Variants in SLCO3A1 observed in about 807,000 individuals in gnomAD.
SLCO3A1 encodes PGE1 transporter.
SLCO3A1 carries 27 observed loss-of-function variants against 63.1 expected under a neutral mutation model. That is an observed-to-expected ratio of 0.43 (90% CI 0.32 to 0.59). The LOEUF is 0.59. Among genes scored for constraint, SLCO3A1 ranks in the 20% least tolerant of loss-of-function variants. The pLI, the probability that SLCO3A1 is intolerant of heterozygous loss-of-function variation, is 0.09. For missense variants in SLCO3A1, 773 were observed against 945.8 expected (o/e 0.82, Z 2.40); for synonymous variants, 473 against 409.9 (o/e 1.15, Z -1.86).
intron 2 of SLCO3A1, among the ~76,000 whole-genome samples, chr15:92,015,913 T>C (rs1239929555): frequency 6.6e-6 from 1 of 151,860 alleles, no homozygotes; most frequent in Non-Finnish European, 1.5e-5. Flanking sequence ...ATAAGAAAAA[T>C]ACGAAATGGA....
Position 92,120,500 on chromosome 15 carries a change from C to G in SLCO3A1, c.1045C>G (p.Pro349Ala), listed in dbSNP as rs2047850523. Reference protein sequence around the residue: ...PKVTKHLLSNPVFTCIILAAC... With the variant: ...PKVTKHLLSNAVFTCIILAAC... ...GGTCACCAAGCACCTGCTCTCAAAC[C>G]CTGTGTTCACCTGCATCATCCTGGC... is the stretch of plus-strand genomic sequence containing the variant. Residue 349 changes from proline (P) to alanine (A), a missense_variant, in exon 5 of 10, where the codon CCT (proline) becomes GCT (alanine). Coordinates refer to ENST00000318445, the MANE Select transcript of SLCO3A1 (RefSeq NM_013272.4). The G allele has an allele frequency of 3.1e-6, 5 of 1,614,036 alleles. No individual in the cohort carries two copies. The East Asian group carries it at 1.1e-4, about 36-fold the overall frequency.
At chr15:92,076,752 C>T (rs1243671222) in intron 2 of SLCO3A1, among the ~76,000 whole-genome samples, 1 of 152,340 alleles carries the variant, frequency 6.6e-6, no homozygotes, top group African/African-American at 2.4e-5. Context: ...GCACTCAGAG[C>T]CCCATCTGCC....
intron 3 of SLCO3A1, among the ~76,000 whole-genome samples, chr15:92,097,701 C>T (rs1417771022): frequency 6.6e-6 from 1 of 152,180 alleles, no homozygotes; most frequent in Non-Finnish European, 1.5e-5. Flanking sequence ...CATTGTCAGT[C>T]ACGGTCTTTG....
intron 2 of SLCO3A1, among the ~76,000 whole-genome samples, chr15:91,925,468 G>A (rs1425997046): frequency 7.4e-5 from 11 of 149,286 alleles, no homozygotes; most frequent in Non-Finnish European, 1.6e-4. Flanking sequence ...TGTCTGTCCA[G>A]TACCTTGTTT....
chr15:92,059,260 C>T (rs796957438), intron 2 of SLCO3A1, among the ~76,000 whole-genome samples: 2 of 152,354 alleles, frequency 1.3e-5, no homozygotes, highest in African/African-American at 4.8e-5. Flanking sequence ...TCTGCAAGGA[C>T]ACTGTTACCT....
intron 2 of SLCO3A1, among the ~76,000 whole-genome samples, chr15:91,951,992 C>A (rs1164686201): frequency 2.0e-5 from 3 of 152,142 alleles, no homozygotes; most frequent in African/African-American, 7.2e-5. Flanking sequence ...AGCGACTGCA[C>A]CATTTTATAT....
intron 2 of SLCO3A1, among the ~76,000 whole-genome samples, chr15:91,982,993 G>A (rs2046006771): frequency 6.6e-6 from 1 of 152,224 alleles, no homozygotes; most frequent in Admixed American, 6.5e-5. Flanking sequence ...GCCCCTGCTT[G>A]GGCTATGGGA....
At chr15:92,166,000 A>G (rs1397809178), downstream of SLCO3A1, 1 of 592,036 alleles carries the variant, frequency 1.7e-6, no homozygotes, top group South Asian at 7.5e-5. Context: ...AAATTGACAG[A>G]TCTTTGTAAC....
chr15:91,957,608 A>G (rs1900287182), intron 2 of SLCO3A1, among the ~76,000 whole-genome samples: 2 of 152,024 alleles, frequency 1.3e-5, no homozygotes, highest in African/African-American at 4.8e-5. Context: ...TTCCCCAGAT[A>G]TCCTCCTGGC....
chr15:91,932,739 G>A (rs995484009), intron 2 of SLCO3A1, among the ~76,000 whole-genome samples: 2 of 152,174 alleles, frequency 1.3e-5, no homozygotes, highest in South Asian at 4.1e-4. Flanking sequence ...CACCGTGCCC[G>A]GCCTATTTGC....
In SLCO3A1 at chr15:91,918,255, CCTT is replaced by C. The variant is rs368813403; in HGVS notation, c.646+1801_646+1803del. ...AGGGCTGATCATTTGAGGCAGAAGG[CCTT>C]CTTGAATTCTGAGGCCTTGTCTGTG... On this transcript the variant is annotated intron_variant, in intron 2 of 9. Transcript: ENST00000318445. Among the ~76,000 whole-genome samples, 17 of 152,242 alleles carry C rather than the reference CCTT, an allele frequency of 1.1e-4. No individual in the cohort carries two copies. The East Asian group carries it at 3.3e-3, about 29-fold the overall frequency.
At chr15:91,925,055 C>G (rs1163090588) in intron 2 of SLCO3A1, among the ~76,000 whole-genome samples, 1 of 152,218 alleles carries the variant, frequency 6.6e-6, no homozygotes, top group Non-Finnish European at 1.5e-5. Flanking sequence ...CTGCTAGTTA[C>G]TTCTTTACTC....
chr15:92,107,976 T>G (rs369814160), intron 4 of SLCO3A1, among the ~76,000 whole-genome samples: 14 of 152,186 alleles, frequency 9.2e-5, no homozygotes, highest in Non-Finnish European at 1.6e-4. Flanking sequence ...TGTCTATAGA[T>G]GAGAAAACCA....
At chr15:92,166,372 G>A (rs970362375), downstream of SLCO3A1, among the ~76,000 whole-genome samples, 2 of 152,180 alleles carry the variant, frequency 1.3e-5, no homozygotes, top group African/African-American at 2.4e-5. Flanking sequence ...TCATTTGACA[G>A]GGTTGCTAAC....
intron 9 of SLCO3A1, among the ~76,000 whole-genome samples, chr15:92,153,162 A>G (rs1025815921): frequency 2.6e-5 from 4 of 152,192 alleles, no homozygotes; most frequent in Admixed American, 2.0e-4. Flanking sequence ...AACTTCTGCA[A>G]CTGTAATCTA....
chr15:91,906,082 T>C (rs1898298490), intron 1 of SLCO3A1, among the ~76,000 whole-genome samples: 1 of 152,210 alleles, frequency 6.6e-6, no homozygotes, highest in African/African-American at 2.4e-5. Flanking sequence ...GTTCCTCATC[T>C]GTAGAATGGG....
chr15:92,158,773 C>T (rs540842577), intron 9 of SLCO3A1, among the ~76,000 whole-genome samples: 47 of 152,294 alleles, frequency 3.1e-4, no homozygotes, highest in African/African-American at 1.1e-3. Context: ...AGATGCAGTC[C>T]GTTCGTCTCT....
chr15:92,041,124 G>A (rs1291520754), intron 2 of SLCO3A1, among the ~76,000 whole-genome samples: 1 of 152,156 alleles, frequency 6.6e-6, no homozygotes, highest in African/African-American at 2.4e-5. Flanking sequence ...GCCTCCTGTA[G>A]ACTAATATGC....
intron 1 of SLCO3A1, among the ~76,000 whole-genome samples, chr15:91,899,978 G>A (rs547985005): frequency 1.3e-5 from 2 of 152,230 alleles, no homozygotes; most frequent in South Asian, 2.1e-4. Context: ...ATTGGTATTG[G>A]AATTTAGTAG....
Sources: gnomAD v4.1 joint callset for allele counts (sites outside exome capture counted in the v4.1 genomes callset) on GRCh38, gnomAD v4.1.1 for gene constraint, MANE v1.5 for transcripts, NCBI Gene and HGNC (gene_info 2026-07-23, HGNC 2026-07-21) for gene names.